CDAN1: variants seen among roughly 807,000 people sequenced by gnomAD.
CDAN1 encodes the protein codanin 1.
A neutral mutation model predicts 139.8 loss-of-function variants in CDAN1; 107 were observed. The observed-to-expected ratio is 0.77, with a 90% CI of 0.65 to 0.90. The LOEUF is 0.90. CDAN1 is among the 40% of genes least tolerant of loss of function. The pLI, the probability that CDAN1 is intolerant of heterozygous loss-of-function variation, is 0.00. For synonymous variants in CDAN1, 776 were observed against 660.6 expected (o/e 1.17, Z -2.68); for missense variants, 1,667 against 1,575.7 (o/e 1.06, Z -0.98).
intron 11 of CDAN1, 106 bp downstream of exon 11, chr15:42,731,499 AAGTTGGAGCTGGAAG>A (rs2061611143): frequency 7.1e-7 from 1 of 1,410,252 alleles, no homozygotes; most frequent in Non-Finnish European, 1.0e-6. Flanking sequence ...TGAAGCCAGC[AAGTTGGAGCTGGAAG>A]GAGCCTATCT....
At chr15:42,729,384 T>G in intron 17 of CDAN1, 22 bp from the exon 18 acceptor site, 2 of 1,613,994 alleles carry the variant, frequency 1.2e-6, no homozygotes, top group African/African-American at 1.3e-5. Flanking sequence ...AAGTCCAAGT[T>G]CTCAGTTCCA....
chr15:42,725,773 A>T, intron 25 of CDAN1, 103 bp from the exon 26 acceptor site: 1 of 1,212,774 alleles, frequency 8.2e-7, no homozygotes, highest in Non-Finnish European at 1.2e-6. Flanking sequence ...TGGGCAGATC[A>T]GGGGTTCGAG....
chr15:42,728,015 T>C lies in CDAN1; in HGVS notation c.2887A>G (p.Asn963Asp), dbSNP rs779555825. ...TPAAVLSSAE[N>D]IAVGLATEKA... ...TCTGTTGCAAGCCCCACAGCAATGTTCTCTGCACTGCTCAGAACCTGCGAA... is the reference window on the plus strand; with the variant it reads ...TCTGTTGCAAGCCCCACAGCAATGTCCTCTGCACTGCTCAGAACCTGCGAA... The change falls in exon 22 of 28, where the codon AAC (asparagine) becomes GAC (aspartate). Residue 963 changes from asparagine (N) to aspartate (D), a missense_variant. Coordinates refer to ENST00000356231, the MANE Select transcript of CDAN1 (RefSeq NM_138477.4). The C allele has an allele frequency of 7.3e-5, 118 of 1,613,524 alleles. No individual in the cohort carries two copies. The highest frequency in any genetic ancestry group is 9.1e-5 in the Non-Finnish European group (107 of 1,179,858).
chr15:42,726,572 G>A (rs2061532544), intron 23 of CDAN1, 155 bp from the exon 24 acceptor site: 4 of 641,390 alleles, frequency 6.2e-6, no homozygotes, highest in Admixed American at 2.4e-5. Context: ...CTGGGACTTG[G>A]GCAGGATAAT....
In CDAN1 at chr15:42,729,977, T is replaced by G. The variant is rs1209728080; in HGVS notation, c.2263-92A>C. The G allele has an allele frequency of 2.8e-6, 3 of 1,069,500 alleles. No individual in the cohort carries two copies. The East Asian group carries it at 1.0e-4, about 36-fold the overall frequency. 66.3% of individuals were successfully genotyped at this position (1,069,500 alleles called of 1,614,324 possible). A position where few individuals can be genotyped will look rare whatever the true frequency, so the allele number is the denominator to read the frequency against. On this transcript the variant is annotated intron_variant, in intron 15 of 27. Transcript: ENST00000356231. ...CGGTCCCAGGGTGTAGGCGCCAGCTTCAAAGCAGCCACCTCTGAGATGATG... is the reference window on the plus strand; with the variant it reads ...CGGTCCCAGGGTGTAGGCGCCAGCTGCAAAGCAGCCACCTCTGAGATGATG...
In CDAN1 at chr15:42,736,634, C is replaced by A. The variant is rs180857061; in HGVS notation, c.237G>T (p.Ser79=). ...PPTPAKTPGA[S]AALPGRPGGP... ...CTCCCGGCCTCCCTGGCAAGGCTGCCGAGGCGCCCGGGGTCTTGGCGGGGG... is the reference window on the plus strand; with the variant it reads ...CTCCCGGCCTCCCTGGCAAGGCTGCAGAGGCGCCCGGGGTCTTGGCGGGGG... Residue 79 remains serine (S), a synonymous_variant, in exon 2 of 28, where the codon TCG becomes TCT. Coordinates refer to ENST00000356231, the MANE Select transcript of CDAN1 (RefSeq NM_138477.4). The A allele has an allele frequency of 1.5e-5, 22 of 1,515,612 alleles. No individual in the cohort carries two copies. The Admixed American group carries it at 3.2e-4, about 22-fold the overall frequency. The allele number at this position is 1,515,612 out of a possible 1,614,324, so 93.9% of individuals were successfully genotyped here. A position where few individuals can be genotyped will look rare whatever the true frequency, so the allele number is the denominator to read the frequency against.
At chr15:42,732,087 A>T (rs1026127874) in intron 10 of CDAN1, among the ~76,000 whole-genome samples, 1 of 152,200 alleles carries the variant, frequency 6.6e-6, no homozygotes, top group African/African-American at 2.4e-5. Context: ...GCTCTTTACC[A>T]CAGCACAAAT....
Position 42,724,414 on chromosome 15 carries a change from T to A in CDAN1, c.*77A>T. The A allele has an allele frequency of 6.5e-7, 1 of 1,536,776 alleles. No individual in the cohort carries two copies. Among genetic ancestry groups the A allele is most frequent in the South Asian group, 1.2e-5 (1 of 83,508 alleles). On this transcript the variant is annotated 3_prime_UTR_variant, in exon 28 of 28. Transcript: ENST00000356231. ...ACACCCCAACCAGTGAGGGTCTGCA[T>A]TGGGCACTTGGGCCTCCTCGTGAGG...
At chr15:42,730,474 C>T in intron 14 of CDAN1, 124 bp downstream of exon 14, 2 of 1,185,556 alleles carry the variant, frequency 1.7e-6, no homozygotes, top group Non-Finnish European at 2.5e-6. Context: ...TCTCCCAGGG[C>T]TCAGTTATGG....
In CDAN1 at chr15:42,731,248, G is replaced by T. The variant is rs938949073; in HGVS notation, c.1823C>A (p.Pro608His). The change falls in exon 12 of 28, where the codon CCC becomes CAC. Residue 608 changes from proline to histidine, a missense_variant. Physicochemically the swap from Pro to His is moderately conservative, Grantham distance 77. Coordinates refer to ENST00000356231, the MANE Select transcript of CDAN1 (RefSeq NM_138477.4). ...GTCTGACTCCCCGTCTTCATCATTG[G>T]GCTCATGCTGGGGCAGGGCAAGACC... ...LNGLALPQHE[P>H]NDEDGESDVD... The T allele has an allele frequency of 6.2e-7, 1 of 1,614,114 alleles. No individual in the cohort carries two copies. The highest frequency in any genetic ancestry group is 1.7e-5 in the Admixed American group (1 of 60,020).
At chr15:42,733,579 G>A (rs1262744159) in intron 8 of CDAN1, among the ~76,000 whole-genome samples, 1 of 152,082 alleles carries the variant, frequency 6.6e-6, no homozygotes, top group Non-Finnish European at 1.5e-5. Context: ...CCGGCCAGCA[G>A]CCCCATTTTT....
chr15:42,726,446 T>C (rs1178642797), intron 23 of CDAN1, 29 bp from the exon 24 acceptor site: 23 of 1,521,048 alleles, frequency 1.5e-5, no homozygotes, highest in Middle Eastern at 3.4e-4. Flanking sequence ...GATATCACCT[T>C]GCGCTGGGGG....
chr15:42,732,237 G>T, intron 10 of CDAN1, 96 bp downstream of exon 10: 2 of 1,169,484 alleles, frequency 1.7e-6, no homozygotes, highest in Non-Finnish European at 2.6e-6. Context: ...CCCAGGACCT[G>T]CCAGGCTGTC....
At position 42,736,422 on chromosome 15, in the gene CDAN1, C is replaced by T. The variant is rs779702162; in HGVS notation, c.449G>A (p.Gly150Asp). The T allele has an allele frequency of 5.6e-6, 9 of 1,602,078 alleles. No homozygotes were observed. Among genetic ancestry groups the T allele is most frequent in the Middle Eastern group, 1.7e-4 (1 of 6,008 alleles). Residue 150 changes from glycine (G) to aspartate (D), a missense_variant, in exon 2 of 28, where the codon GGC becomes GAC. Transcript: ENST00000356231. Reference protein sequence around the residue: ...VSGESLPGAGGRRLRGSGSPS... With the variant: ...VSGESLPGAGDRRLRGSGSPS... ...GCTGCCAGAGCCCCTAAGCCTCCGG[C>T]CCCCGGCTCCGGGCAGGCTCTCCCC... is the stretch of plus-strand genomic sequence containing the variant.
rs746131588 is a variant in CDAN1, at chr15:42,734,342, G to T, written c.1141C>A (p.Leu381Ile). 6.2e-7 allele frequency: 1 copy of T among 1,613,980 alleles called. No individual in the cohort carries two copies. Among genetic ancestry groups the T allele is most frequent in the African/African-American group, 1.3e-5 (1 of 74,912 alleles). Residue 381 changes from leucine to isoleucine, a missense_variant, in exon 7 of 28, where the codon CTT becomes ATT. Leu to Ile is a conservative substitution (Grantham distance 5). Around this residue, in one of 3 missense-constraint regions of CDAN1, gnomAD observed 244 missense variants for 309.4 expected, o/e 0.79. Coordinates refer to ENST00000356231, the MANE Select transcript of CDAN1 (RefSeq NM_138477.4). The part of the protein sequence containing the change: ...VQVLECHFQV[L>I]SNLDKGTLKL... Reference sequence around the variant, plus strand: ...AAGGTCCCTTTGTCCAGGTTGGAAAGAACCCTGCAGGGACAAGAGCACCTA... The same window carrying T: ...AAGGTCCCTTTGTCCAGGTTGGAAATAACCCTGCAGGGACAAGAGCACCTA...
At chr15:42,729,655 C>A in intron 16 of CDAN1, 33 bp from the exon 17 acceptor site, 2 of 1,612,516 alleles carry the variant, frequency 1.2e-6, no homozygotes, top group East Asian at 4.5e-5. Flanking sequence ...AGCAGACTGC[C>A]CCTCCCCCAG....
rs756082090 is a variant in CDAN1, at chr15:42,730,584, C to T, written c.2174+14G>A. 4.3e-6 allele frequency: 7 copies of T among 1,614,064 alleles called. No homozygotes were observed. In the South Asian group the frequency reaches 7.7e-5, roughly 18 times the overall value. Reference sequence around the variant, plus strand: ...CCGAATCCTTTCATCAAGCCTCAGCCTTGTTCCACTCACCGGTGCAGGCGC... The same window carrying T: ...CCGAATCCTTTCATCAAGCCTCAGCTTTGTTCCACTCACCGGTGCAGGCGC... On this transcript the variant is annotated intron_variant, in intron 14 of 27. Transcript: ENST00000356231.
Position 42,727,667 on chromosome 15 carries a change from C to T in CDAN1, c.3050G>A (p.Cys1017Tyr). The T allele has an allele frequency of 1.3e-6, 2 of 1,589,884 alleles. No individual in the cohort carries two copies. The highest frequency in any genetic ancestry group is 4.5e-5 in the East Asian group (2 of 44,210). The change falls in exon 23 of 28, where the codon TGT becomes TAT. Residue 1017 changes from cysteine to tyrosine, a missense_variant. Cys to Tyr is a radical substitution (Grantham distance 194). This residue lies in a region of CDAN1 where 936 missense variants were observed against 844.1 expected (regional missense o/e 1.11). Transcript: ENST00000356231. The part of the protein sequence containing the change: ...RGERRGCSRA[C>Y]EHHAPLPSHL... ...GGAGGGGAGGGGAGCATGGTGCTCACAGGCGCGGGAGCAGCCCCTCCGCTC... is the reference window on the plus strand; with the variant it reads ...GGAGGGGAGGGGAGCATGGTGCTCATAGGCGCGGGAGCAGCCCCTCCGCTC...
rs146584691 is a variant in CDAN1, at chr15:42,730,537, G to A, written c.2174+61C>T. ...TGCTCGACCCTCTTTATTAATAGCA[G>A]GCTTGACCAATGTCCCGAGTCCCGA... is the stretch of plus-strand genomic sequence containing the variant. On this transcript the variant is annotated intron_variant, in intron 14 of 27. Transcript: ENST00000356231. 16 of 1,585,458 alleles carry A rather than the reference G, an allele frequency of 1.0e-5. No homozygotes were observed. The South Asian group carries it at 1.7e-4, about 17-fold the overall frequency.
Sources: allele counts gnomAD v4.1 joint callset (sites outside exome capture counted in the v4.1 genomes callset), GRCh38; gene constraint gnomAD v4.1.1; regional missense constraint gnomAD v4.1.1; transcripts MANE v1.5; gene names NCBI Gene and HGNC (gene_info 2026-07-23, HGNC 2026-07-21).